Variants in DGKI observed in about 807,000 individuals in gnomAD.
DGKI encodes the protein DAG kinase iota.
DGKI carries 55 observed loss-of-function variants against 147.5 expected under a neutral mutation model. The observed-to-expected ratio is 0.37, with a 90% CI of 0.30 to 0.47. The LOEUF is 0.47. Among genes scored for constraint, DGKI ranks in the 20% least tolerant of loss-of-function variants. DGKI has a pLI of 1.00. For missense variants in DGKI, 1,007 were observed against 1,323.8 expected (o/e 0.76, Z 3.71); for synonymous variants, 469 against 477.1 (o/e 0.98, Z 0.22).
intron 1 of DGKI, among the ~76,000 whole-genome samples, chr7:137,835,193 C>T (rs1798335185): frequency 6.6e-6 from 1 of 152,150 alleles, no homozygotes; most frequent in Non-Finnish European, 1.5e-5. Context: ...GAGATGGTAT[C>T]GGTGAATGTC....
At chr7:137,468,866 G>A (rs530615560) in intron 24 of DGKI, among the ~76,000 whole-genome samples, 2 of 152,254 alleles carry the variant, frequency 1.3e-5, no homozygotes, top group African/African-American at 4.8e-5. Context: ...TGAAAATCAT[G>A]TCTCCATATG....
chr7:137,534,376 T>C (rs572861314), intron 20 of DGKI, among the ~76,000 whole-genome samples: 2 of 152,142 alleles, frequency 1.3e-5, no homozygotes, highest in Non-Finnish European at 2.9e-5. Flanking sequence ...AGTCCATTTT[T>C]AAATAAATAT....
Position 137,459,892 on chromosome 7 carries a change from T to C in DGKI, c.2735+3597A>G, listed in dbSNP as rs974772192. ...CTTTACACTGGGATTCTTTTTCCAA[T>C]TTATCAAATTGAATGCTTTGCTTAT... is the stretch of plus-strand genomic sequence containing the variant. On this transcript the variant is annotated intron_variant, in intron 27 of 32. Transcript: ENST00000614521. 2.6e-5 allele frequency among the ~76,000 whole-genome samples: 4 copies of C among 152,322 alleles called. No individual in the cohort carries two copies. In the East Asian group the frequency reaches 5.8e-4, roughly 22 times the overall value.
intron 1 of DGKI, among the ~76,000 whole-genome samples, chr7:137,752,231 C>T (rs968451467): frequency 4.4e-4 from 67 of 151,872 alleles, no homozygotes; most frequent in African/African-American, 1.6e-3. Flanking sequence ...GGGTGGTGAA[C>T]TCCCATCCCT....
rs530285258 is a variant in DGKI, at chr7:137,494,645, C to A, written c.2249-6956G>T. ...GCTAAGAGAATTCATTACCACCAGACCCGCCTTATAAGAGGTCCTGAAGGG... is the reference window on the plus strand; with the variant it reads ...GCTAAGAGAATTCATTACCACCAGAACCGCCTTATAAGAGGTCCTGAAGGG... On this transcript the variant is annotated intron_variant, in intron 21 of 32. Transcript: ENST00000614521. Among the ~76,000 whole-genome samples, 3 of 152,244 alleles carry A rather than the reference C, an allele frequency of 2.0e-5. No individual in the cohort carries two copies. The East Asian group carries it at 5.8e-4, about 29-fold the overall frequency.
intron 27 of DGKI, among the ~76,000 whole-genome samples, chr7:137,447,497 T>C (rs12707359): frequency 0.45 from 67,899 of 152,026 alleles, 16,232 homozygotes; most frequent in Non-Finnish European, 0.53. Flanking sequence ...AACTTGGCTT[T>C]GAAGAATAAA....
rs566099652 is a variant in DGKI at position 137,777,060 on chromosome 7, G to T, written c.401+69402C>A. 4.6e-5 allele frequency among the ~76,000 whole-genome samples: 7 copies of T among 152,046 alleles called. No homozygotes were observed. In the East Asian group the frequency reaches 7.7e-4, roughly 17 times the overall value. The stretch of plus-strand genomic sequence containing the variant: ...TTTTTTTAATTAGCTGGGCATGGTG[G>T]CACATGCCTGTAGTCCTAGCTAACC... On this transcript the variant is annotated intron_variant, in intron 1 of 32. Transcript: ENST00000614521.
chr7:137,536,260 T>C (rs1817517331), intron 20 of DGKI, among the ~76,000 whole-genome samples: 1 of 152,170 alleles, frequency 6.6e-6, no homozygotes, highest in Non-Finnish European at 1.5e-5. Context: ...TTCCTACCAT[T>C]TCTTGTTCTC....
intron 3 of DGKI, among the ~76,000 whole-genome samples, chr7:137,675,358 C>T: frequency 6.6e-6 from 1 of 152,146 alleles, no homozygotes; most frequent in African/African-American, 2.4e-5. Flanking sequence ...TGCGACCCAT[C>T]TGCATCAGAA....
chr7:137,787,642 A>T (rs189396449), intron 1 of DGKI, among the ~76,000 whole-genome samples: 2 of 152,296 alleles, frequency 1.3e-5, no homozygotes, highest in East Asian at 3.9e-4. Flanking sequence ...TCATTATATG[A>T]AAAAGATACT....
intron 1 of DGKI, among the ~76,000 whole-genome samples, chr7:137,820,402 T>C (rs1797862712): frequency 6.6e-6 from 1 of 152,188 alleles, no homozygotes; most frequent in South Asian, 2.1e-4. Flanking sequence ...CAGAAAACTC[T>C]GCCACAGCTC....
chr7:137,638,487 TAC>T (rs1165571046), intron 6 of DGKI, among the ~76,000 whole-genome samples: 19 of 121,628 alleles, frequency 1.6e-4, no homozygotes, highest in Non-Finnish European at 2.8e-4. Context: ...TGTATATATA[TAC>T]ACACATATAT....
At chr7:137,699,221 C>T (rs1823894860) in intron 1 of DGKI, among the ~76,000 whole-genome samples, 1 of 152,208 alleles carries the variant, frequency 6.6e-6, no homozygotes, top group South Asian at 2.1e-4. Context: ...CTCATGCAGA[C>T]TCCACCCTCA....
chr7:137,759,897 C>T (rs1754473384), intron 1 of DGKI, among the ~76,000 whole-genome samples: 1 of 152,004 alleles, frequency 6.6e-6, no homozygotes, highest in Non-Finnish European at 1.5e-5. Flanking sequence ...CCTCATTCTC[C>T]AGAAGTAAAA....
At chr7:137,531,074 T>C (rs1183202047) in intron 20 of DGKI, among the ~76,000 whole-genome samples, 1 of 152,192 alleles carries the variant, frequency 6.6e-6, no homozygotes, top group Non-Finnish European at 1.5e-5. Context: ...TTGTACATTC[T>C]TTCATGCTTA....
chr7:137,653,752 T>C (rs2129011448), intron 5 of DGKI, among the ~76,000 whole-genome samples: 1 of 152,320 alleles, frequency 6.6e-6, no homozygotes, highest in East Asian at 1.9e-4. Flanking sequence ...GGTAAATCTG[T>C]AAGTGGAACT....
At chr7:137,463,987 C>G (rs1007077897) in intron 26 of DGKI, among the ~76,000 whole-genome samples, 11 of 152,146 alleles carry the variant, frequency 7.2e-5, no homozygotes, top group African/African-American at 2.7e-4. Flanking sequence ...AAGAAAGGCA[C>G]TGATTCAAGT....
chr7:137,787,259 G>A (rs928228461), intron 1 of DGKI, among the ~76,000 whole-genome samples: 29 of 151,656 alleles, frequency 1.9e-4, no homozygotes, highest in Admixed American at 1.3e-4. Flanking sequence ...TACAAAGAAC[G>A]CAAACAAATC....
intron 1 of DGKI, among the ~76,000 whole-genome samples, chr7:137,801,701 G>A (rs1797214726): frequency 6.6e-6 from 1 of 152,180 alleles, no homozygotes; most frequent in Non-Finnish European, 1.5e-5. Flanking sequence ...GGAAACAAGG[G>A]AGTGTGTTTA....
Sources: gnomAD v4.1 joint callset for allele counts (sites outside exome capture counted in the v4.1 genomes callset) on GRCh38, gnomAD v4.1.1 for gene constraint, MANE v1.5 for transcripts, NCBI Gene and HGNC (gene_info 2026-07-23, HGNC 2026-07-21) for gene names.